Variants in SPART observed in about 807,000 individuals in gnomAD.
SPART encodes the protein spartin, also known as spastic paraplegia 20 (Troyer syndrome).
Under a neutral mutation model 58.7 loss-of-function variants are expected in SPART, and 35 were observed. The observed-to-expected ratio is 0.60, with a 90% CI of 0.46 to 0.79. SPART has a LOEUF of 0.79. Ranked by LOEUF, SPART falls within the 30% of genes least tolerant of loss-of-function variation. SPART has a pLI of 0.00. For missense variants in SPART, 730 were observed against 786.1 expected (o/e 0.93, Z 0.85); for synonymous variants, 284 against 280.7 (o/e 1.01, Z -0.12).
intron 1 of SPART, chr13:36,336,316 C>T (rs1293813228): frequency 1.3e-5 from 2 of 156,426 alleles, no homozygotes; most frequent in African/African-American, 4.8e-5. Context: ...GGCAGGTTAC[C>T]CCACACAGCC....
intron 5 of SPART, 58 bp downstream of exon 5, chr13:36,326,517 T>C: frequency 6.2e-7 from 1 of 1,600,812 alleles, no homozygotes; most frequent in Non-Finnish European, 8.5e-7. Context: ...ACAATATCTT[T>C]ATTTGGTTCC....
In SPART at chr13:36,311,715, A is replaced by G. The variant is rs73549412; in HGVS notation, c.1733+430T>C. ...ACTATTCTTCTCCCTATTTAAGAAA[A>G]GCAGTGAGTGAAAAAAATTATTTTA... is the stretch of plus-strand genomic sequence containing the variant. On this transcript the variant is annotated intron_variant, in intron 8 of 8. Transcript: ENST00000438666. Among the ~76,000 whole-genome samples, 770 of 152,336 alleles carry G rather than the reference A, an allele frequency of 5.1e-3. 4 individuals are homozygous for G. The highest frequency in any genetic ancestry group is 0.017 in the African/African-American group (726 of 41,560).
chr13:36,339,961 C>T (rs1351182812), intron 1 of SPART, among the ~76,000 whole-genome samples: 1 of 152,030 alleles, frequency 6.6e-6, no homozygotes, highest in Non-Finnish European at 1.5e-5. Flanking sequence ...TCCAGCTACT[C>T]AGGAAGTGAG....
chr13:36,311,600 C>G (rs1014746407), intron 8 of SPART, among the ~76,000 whole-genome samples: 6 of 152,064 alleles, frequency 3.9e-5, no homozygotes, highest in Non-Finnish European at 8.8e-5. Context: ...AAAAAAATAA[C>G]CTTATTCTTC....
chr13:36,348,868 G>A (rs1331372012), upstream of SPART, among the ~76,000 whole-genome samples: 2 of 152,108 alleles, frequency 1.3e-5, no homozygotes, highest in African/African-American at 2.4e-5. Flanking sequence ...ACAATCCAGG[G>A]AAATATAAGG....
intron 5 of SPART, among the ~76,000 whole-genome samples, chr13:36,321,842 T>A (rs1217560725): frequency 6.6e-5 from 10 of 152,128 alleles, no homozygotes; most frequent in Non-Finnish European, 1.3e-4. Context: ...AAGAAGTGAA[T>A]ATGCCCTGCC....
chr13:36,307,757 C>A (rs1346250081), intron 8 of SPART, among the ~76,000 whole-genome samples: 2 of 151,974 alleles, frequency 1.3e-5, no homozygotes, highest in Admixed American at 6.6e-5. Flanking sequence ...GTCTTCACAT[C>A]CCCAAATATA....
intron 1 of SPART, among the ~76,000 whole-genome samples, chr13:36,363,804 AT>A (rs1885957812): frequency 1.3e-5 from 2 of 149,724 alleles, no homozygotes; most frequent in African/African-American, 5.0e-5. Context: ...TTTACTTTTT[AT>A]TTTGAGACAA....
chr13:36,314,458 G>T, intron 5 of SPART, 37 bp from the exon 6 acceptor site: 1 of 1,578,380 alleles, frequency 6.3e-7, no homozygotes, highest in Non-Finnish European at 8.7e-7. Context: ...ACAATATTAG[G>T]GCTAATTATG....
intron 1 of SPART, among the ~76,000 whole-genome samples, chr13:36,344,816 G>A (rs1884914577): frequency 6.6e-6 from 1 of 152,180 alleles, no homozygotes; most frequent in African/African-American, 2.4e-5. Flanking sequence ...ACAATCTGAT[G>A]TATTAAACAG....
At chr13:36,336,789 GCTCA>G (rs917278178) in intron 1 of SPART, among the ~76,000 whole-genome samples, 51 of 152,212 alleles carry the variant, frequency 3.4e-4, no homozygotes, top group African/African-American at 1.1e-3. Context: ...CAACCCAAAT[GCTCA>G]CTCATTCATA....
chr13:36,331,016 A>G (rs1458048492), intron 3 of SPART, among the ~76,000 whole-genome samples: 1 of 152,218 alleles, frequency 6.6e-6, no homozygotes, highest in Non-Finnish European at 1.5e-5. Context: ...AATAGCTAAC[A>G]TTCACAGAGC....
rs750428912 is a variant in SPART at position 36,335,193 on chromosome 13, G to C, written c.638C>G (p.Thr213Ser). The C allele has an allele frequency of 1.2e-5, 19 of 1,614,030 alleles. No individual in the cohort carries two copies. Among genetic ancestry groups the C allele is most frequent in the East Asian group, 1.1e-4 (5 of 44,866 alleles). ...CAATTCATCTGCATCCAGCCCTAAGGTCTCAAGAGGCGGTGGCTGAGAATG... is the reference window on the plus strand; with the variant it reads ...CAATTCATCTGCATCCAGCCCTAAGCTCTCAAGAGGCGGTGGCTGAGAATG... ...RNHSQPPPLE[T>S]LGLDADELIL... The change falls in exon 2 of 9, where the codon ACC (threonine) becomes AGC (serine). Residue 213 changes from threonine to serine, a missense_variant. Physicochemically the swap from Thr to Ser is moderately conservative, Grantham distance 58. Transcript: ENST00000438666.
intron 3 of SPART, 148 bp downstream of exon 3, chr13:36,331,251 A>C: frequency 1.3e-6 from 1 of 741,040 alleles, no homozygotes; most frequent in Non-Finnish European, 2.4e-6. Context: ...AGCAAATTCC[A>C]AGCATGTAGT....
At position 36,304,517 on chromosome 13, in the gene SPART, C is replaced by G. The variant is rs1345946752; in HGVS notation, c.1849G>C (p.Ala617Pro). Residue 617 changes from alanine (A) to proline (P), a missense_variant, in exon 9 of 9, where the codon GCA becomes CCA. Physicochemically the swap from Ala to Pro is conservative, Grantham distance 27 (BLOSUM62 -1). Transcript: ENST00000438666. ...IGIKAMVKKT[A>P]TQTGHTLLED... ...AGGAGAGTGTGTCCTGTTTGTGTTG[C>G]AGTTTTCTTCACCATTGCTTTGATA... is the stretch of plus-strand genomic sequence containing the variant. 6.2e-7 allele frequency: 1 copy of G among 1,614,056 alleles called. No individual in the cohort carries two copies. The highest frequency in any genetic ancestry group is 8.5e-7 in the Non-Finnish European group (1 of 1,179,998).
chr13:36,333,782 C>T (rs1270683377), intron 2 of SPART, among the ~76,000 whole-genome samples: 1 of 152,074 alleles, frequency 6.6e-6, no homozygotes, highest in Non-Finnish European at 1.5e-5. Context: ...TTAGTAGAAA[C>T]TGTTATAGCT....
At position 36,329,372 on chromosome 13, in the gene SPART, C is replaced by T. The variant is rs777655586; in HGVS notation, c.1154G>A (p.Arg385His). Residue 385 changes from arginine to histidine, a missense_variant, in exon 4 of 9, where the codon CGT becomes CAT. Arg to His is a conservative substitution (Grantham distance 29, BLOSUM62 0). Coordinates refer to ENST00000438666, the MANE Select transcript of SPART (RefSeq NM_015087.5). ...GNKDVRHKGKRGKRAKDTSSE... is the reference protein window; with the variant it reads ...GNKDVRHKGKHGKRAKDTSSE... ...TACTCTTTTATTTACCCTTTTTCCA[C>T]GTTTTCCTTTATGACGTACATCCTT... is the stretch of plus-strand genomic sequence containing the variant. 35 of 1,613,938 alleles carry T rather than the reference C, an allele frequency of 2.2e-5. No individual in the cohort carries two copies. The highest frequency in any genetic ancestry group is 2.1e-4 in the South Asian group (19 of 91,086).
At chr13:36,308,033 T>C (rs902664812) in intron 8 of SPART, among the ~76,000 whole-genome samples, 21 of 152,146 alleles carry the variant, frequency 1.4e-4, no homozygotes, top group Non-Finnish European at 2.4e-4. Flanking sequence ...TACCATCAGT[T>C]CGATTTGAGT....
chr13:36,359,934 A>AC (rs1566149442), intron 1 of SPART, among the ~76,000 whole-genome samples: 1 of 151,076 alleles, frequency 6.6e-6, no homozygotes, highest in Admixed American at 6.6e-5. Flanking sequence ...AAAAAAAAAA[A>AC]AAAAAAAACA....
Sources: gnomAD v4.1 joint callset for allele counts (sites outside exome capture counted in the v4.1 genomes callset) on GRCh38, gnomAD v4.1.1 for gene constraint, MANE v1.5 for transcripts, NCBI Gene and HGNC (gene_info 2026-07-23, HGNC 2026-07-21) for gene names.